Variants in SDK2 observed in about 807,000 individuals in gnomAD.
The protein encoded by SDK2 is sidekick cell adhesion molecule 2.
In SDK2, 105 loss-of-function variants were observed where a neutral mutation model predicts 253.9. That is an observed-to-expected ratio of 0.41 (90% CI 0.35 to 0.49). The LOEUF (loss-of-function observed/expected upper bound fraction) is 0.49. SDK2 is among the 20% of genes least tolerant of loss of function. SDK2 has a pLI of 0.06. For synonymous variants in SDK2, 1,249 were observed against 1,234.9 expected, an observed-to-expected ratio of 1.01 and a Z score of -0.24; for missense variants, 2,608 against 3,003.0, an observed-to-expected ratio of 0.87 and a Z score of 3.07.
intron 16 of SDK2, among the ~76,000 whole-genome samples, chr17:73,416,892 C>T (rs913534475): frequency 2.6e-5 from 4 of 152,026 alleles, no homozygotes; most frequent in African/African-American, 4.8e-5. Context: ...CCCAGCTACA[C>T]AGAGTTTTAA....
At chr17:73,378,121 GAC>G (rs1458394588) in intron 36 of SDK2, among the ~76,000 whole-genome samples, 1 of 151,642 alleles carries the variant, frequency 6.6e-6, no homozygotes, top group Non-Finnish European at 1.5e-5. Flanking sequence ...TCTTTTTTGA[GAC>G]AGTGTCTTGC....
At chr17:73,440,978 C>T in intron 5 of SDK2, 55 bp from the exon 6 acceptor site, 3 of 1,332,970 alleles carry the variant, frequency 2.3e-6, no homozygotes, top group Non-Finnish European at 3.1e-6. Flanking sequence ...TATCCCTGCC[C>T]AGCCTCATTA....
rs2046237571 is a variant in SDK2 at position 73,629,057 on chromosome 17, C to G, written c.64+14968G>C. Among the ~76,000 whole-genome samples, 1 of 152,222 alleles carries G rather than the reference C, an allele frequency of 6.6e-6. No homozygotes were observed. The highest frequency in any genetic ancestry group is 1.5e-5 in the Non-Finnish European group (1 of 68,038). ...CCAGAGAACTCAGTCCTGCCAGAGA[C>G]TGGCCAGCAGCTGCAGTGGGTGGAG... is the stretch of plus-strand genomic sequence containing the variant. On this transcript the variant is annotated intron_variant, in intron 1 of 44. Coordinates refer to ENST00000392650, the MANE Select transcript of SDK2 (RefSeq NM_001144952.2). This position sits in a 1 kb window ranked among gnomAD's most constrained non-coding sequence, Gnocchi z 5.0.
At chr17:73,442,034 C>G (rs907277637) in intron 5 of SDK2, among the ~76,000 whole-genome samples, 1 of 152,266 alleles carries the variant, frequency 6.6e-6, no homozygotes, top group Non-Finnish European at 1.5e-5. Flanking sequence ...CTTTAATTCT[C>G]TCATTGAATG....
intron 18 of SDK2, among the ~76,000 whole-genome samples, chr17:73,412,498 G>A (rs940316508): frequency 6.6e-6 from 1 of 152,010 alleles, no homozygotes; most frequent in Middle Eastern, 3.2e-3. Context: ...AAATCTGTAT[G>A]TTTAAATTCT....
chr17:73,431,689 G>A lies in SDK2; in HGVS notation c.1313-20C>T. ...GCTCCCCTGAGGGCAAAACAGGGTG[G>A]GGGTCAGCCTGTAGCCCCCAAGGGC... On this transcript the variant is annotated intron_variant, in intron 10 of 44. Transcript: ENST00000392650. This position sits in a 1 kb window ranked among gnomAD's most constrained non-coding sequence, Gnocchi z 5.6. 6.3e-7 allele frequency: 1 copy of A among 1,585,976 alleles called. No individual in the cohort carries two copies. The highest frequency in any genetic ancestry group is 1.3e-5 in the African/African-American group (1 of 74,300).
chr17:73,403,463 C>T (rs977681059), intron 18 of SDK2, among the ~76,000 whole-genome samples: 3 of 151,814 alleles, frequency 2.0e-5, no homozygotes, highest in Admixed American at 6.6e-5. Flanking sequence ...TCTCACCTCA[C>T]GCTCCTGTTT....
chr17:73,425,652 C>T (rs147959734), intron 12 of SDK2, among the ~76,000 whole-genome samples: 279 of 152,178 alleles, frequency 1.8e-3, no homozygotes, highest in African/African-American at 6.5e-3. Context: ...GGACTATAGG[C>T]GAGCACCACC....
chr17:73,511,586 A>G lies in SDK2; in HGVS notation c.65-3989T>C, dbSNP rs150272098. On this transcript the variant is annotated intron_variant, in intron 1 of 44. Transcript: ENST00000392650. This position sits in a 1 kb window ranked among gnomAD's most constrained non-coding sequence, Gnocchi z 4.9. ...GCCTTTCCCTGAGAGCCTGCTGGGT[A>G]CCAGGCCCTGGGCTGGGGGCTCCAC... Among the ~76,000 whole-genome samples the G allele has an allele frequency of 2.1e-3, 325 of 152,204 alleles. No individual in the cohort carries two copies. The highest frequency in any genetic ancestry group is 0.01 in the Middle Eastern group (3 of 294).
intron 1 of SDK2, among the ~76,000 whole-genome samples, chr17:73,538,128 A>C (rs943349001): frequency 2.6e-5 from 4 of 152,156 alleles, no homozygotes; most frequent in Non-Finnish European, 5.9e-5. Flanking sequence ...CCTGGCTGGA[A>C]AGGCTCAGTG....
rs1201498306 is a variant in SDK2, at chr17:73,447,466, CG to C, written c.613+148del. The C allele has an allele frequency of 8.7e-7, 1 of 1,150,262 alleles. No individual in the cohort carries two copies. Among genetic ancestry groups the C allele is most frequent in the Non-Finnish European group, 1.2e-6 (1 of 807,558 alleles). 71.3% of individuals were successfully genotyped at this position (1,150,262 alleles called of 1,614,324 possible). ...AGGCACCCCTGGCTCTGCTGTGTCT[CG>C]TCCTCCTTGGGAAGGCTCCCCCCGG... On this transcript the variant is annotated intron_variant, in intron 5 of 44. Transcript: ENST00000392650. The surrounding 1 kb of genome is among the most constrained non-coding windows in gnomAD (Gnocchi z 4.0).
At chr17:73,439,032 G>T (rs1021114951) in intron 6 of SDK2, among the ~76,000 whole-genome samples, 3 of 152,206 alleles carry the variant, frequency 2.0e-5, no homozygotes, top group Non-Finnish European at 4.4e-5. Context: ...TCCTCTCCAA[G>T]TCTCATGTGG....
intron 41 of SDK2, among the ~76,000 whole-genome samples, chr17:73,351,565 G>T (rs1284770680): frequency 6.6e-6 from 1 of 152,176 alleles, no homozygotes; most frequent in African/African-American, 2.4e-5. Context: ...GCAGAAGGCA[G>T]GGGGAATTGG....
At chr17:73,597,790 C>G (rs950716813) in intron 1 of SDK2, among the ~76,000 whole-genome samples, 2 of 151,992 alleles carry the variant, frequency 1.3e-5, no homozygotes, top group African/African-American at 4.8e-5. Flanking sequence ...AGACTACAGG[C>G]ACCCGCCACC....
At position 73,382,953 on chromosome 17, in the gene SDK2, C is replaced by T. The variant is rs559454701; in HGVS notation, c.4705+923G>A. ...CTGAGACACAAGAGTCACTTGAACC[C>T]AGGAAGCGGAGGTTGCAGTGAGCTG... On this transcript the variant is annotated intron_variant, in intron 33 of 44. Transcript: ENST00000392650. Among the ~76,000 whole-genome samples the T allele has an allele frequency of 2.6e-5, 4 of 152,324 alleles. No individual in the cohort carries two copies. The East Asian group carries it at 7.7e-4, about 29-fold the overall frequency.
At chr17:73,459,702 CT>C (rs543344223) in intron 3 of SDK2, among the ~76,000 whole-genome samples, 146 of 145,172 alleles carry the variant, frequency 1.0e-3, no homozygotes, top group Non-Finnish European at 9.0e-4. Context: ...AGATTTCTTT[CT>C]TTTTTTTTTT....
At chr17:73,387,755 GC>G (rs1287144727) in intron 30 of SDK2, 80 bp downstream of exon 30, 3 of 1,303,424 alleles carry the variant, frequency 2.3e-6, no homozygotes, top group Non-Finnish European at 2.1e-6. Flanking sequence ...TTTTCAGAAG[GC>G]CCCCTACCCA....
rs145755554 is a variant in SDK2, at chr17:73,337,138, C to T, written c.*1449G>A. ...TCACTTGGTCCCATCTGACCTGCCCCTGCTGGGCGTGCAATTCAAATGCTG... is the reference window on the plus strand; with the variant it reads ...TCACTTGGTCCCATCTGACCTGCCCTTGCTGGGCGTGCAATTCAAATGCTG... On this transcript the variant is annotated 3_prime_UTR_variant, in exon 45 of 45. Transcript: ENST00000392650. 1 of 152,410 alleles carries T rather than the reference C, an allele frequency of 6.6e-6. No individual in the cohort carries two copies. Among genetic ancestry groups the T allele is most frequent in the Non-Finnish European group, 1.5e-5 (1 of 68,210 alleles). 9.4% of individuals were successfully genotyped at this position (152,410 alleles called of 1,614,324 possible).
At chr17:73,562,867 G>T (rs2045258015) in intron 1 of SDK2, among the ~76,000 whole-genome samples, 1 of 152,232 alleles carries the variant, frequency 6.6e-6, no homozygotes, top group South Asian at 2.1e-4. Flanking sequence ...CACGAGGCAG[G>T]TTATACCTCT....
Sources: gnomAD v4.1 joint callset for allele counts (sites outside exome capture counted in the v4.1 genomes callset) on GRCh38, gnomAD v4.1.1 for gene constraint, Gnocchi (gnomAD v3.1) non-coding constraint, MANE v1.5 for transcripts, NCBI Gene and HGNC (gene_info 2026-07-23, HGNC 2026-07-21) for gene names.